WDPCP: variants seen among roughly 807,000 people sequenced by gnomAD.
WDPCP encodes the protein WD repeat-containing and planar cell polarity effector protein fritz homolog.
A neutral mutation model predicts 93.1 loss-of-function variants in WDPCP; 71 were observed. That is an observed-to-expected ratio of 0.76 (90% CI 0.63 to 0.93). WDPCP has a LOEUF of 0.93. WDPCP is among the 40% of genes least tolerant of loss of function. The pLI is 0.00. For synonymous variants in WDPCP, 315 were observed against 315.0 expected (o/e 1.00, Z 0.00); for missense variants, 844 against 887.4 (o/e 0.95, Z 0.62).
chr2:63,749,146 G>A (rs1036479819), intron 2 of WDPCP, among the ~76,000 whole-genome samples: 4 of 152,034 alleles, frequency 2.6e-5, no homozygotes, highest in African/African-American at 9.7e-5. Context: ...TACACTGACT[G>A]TTTAGAACTT....
At chr2:63,202,474 T>G (rs189032388) in intron 14 of WDPCP, among the ~76,000 whole-genome samples, 36 of 152,298 alleles carry the variant, frequency 2.4e-4, no homozygotes, top group African/African-American at 8.7e-4. Flanking sequence ...CTAAAAGATC[T>G]ACCTCATTGA....
intron 1 of WDPCP, among the ~76,000 whole-genome samples, chr2:63,822,940 T>C (rs1671045280): frequency 6.6e-6 from 1 of 151,220 alleles, no homozygotes; most frequent in Non-Finnish European, 1.5e-5. Flanking sequence ...TAACCTATCT[T>C]GGTGTCTGTA....
At chr2:63,137,135 C>T (rs919123329) in intron 17 of WDPCP, among the ~76,000 whole-genome samples, 1 of 152,222 alleles carries the variant, frequency 6.6e-6, no homozygotes, top group Non-Finnish European at 1.5e-5. Context: ...AATCACTGCA[C>T]TCTCTTCCAC....
chr2:63,540,626 G>A (rs774338752), intron 1 of WDPCP, among the ~76,000 whole-genome samples: 1 of 152,132 alleles, frequency 6.6e-6, no homozygotes, highest in African/African-American at 2.4e-5. Context: ...GTATGTAACT[G>A]CTTATGTTAA....
chr2:63,135,209 A>T (rs1338202979), intron 17 of WDPCP, among the ~76,000 whole-genome samples: 1 of 152,252 alleles, frequency 6.6e-6, no homozygotes, highest in Non-Finnish European at 1.5e-5. Context: ...TACTAAATTC[A>T]GGGCACGTGA....
chr2:63,493,650 A>C (rs1274405392), intron 1 of WDPCP, among the ~76,000 whole-genome samples: 1 of 151,860 alleles, frequency 6.6e-6, no homozygotes, highest in Non-Finnish European at 1.5e-5. Flanking sequence ...TTTTTAATCA[A>C]GTACTACCTC....
upstream of WDPCP, chr2:63,589,438 C>T (rs1257171892): frequency 1.3e-6 from 2 of 1,510,382 alleles, no homozygotes; most frequent in Non-Finnish European, 1.8e-6. Context: ...CCTCATTTGC[C>T]CACAGTGTTT....
chr2:63,751,678 T>A (rs1669885398), intron 2 of WDPCP: 1 of 497,474 alleles, frequency 2.0e-6, no homozygotes, highest in African/African-American at 1.9e-5. Context: ...TAAGCTTTGT[T>A]TCCTGGTAGT....
At chr2:63,213,005 C>A (rs928753412) in intron 14 of WDPCP, among the ~76,000 whole-genome samples, 1 of 152,164 alleles carries the variant, frequency 6.6e-6, no homozygotes, top group Non-Finnish European at 1.5e-5. Context: ...GAGACTTAGA[C>A]TCCCACACAA....
intron 17 of WDPCP, among the ~76,000 whole-genome samples, chr2:63,125,944 T>G (rs1429674885): frequency 1.3e-5 from 2 of 150,166 alleles, no homozygotes; most frequent in African/African-American, 2.5e-5. Context: ...AGCTTTTTTT[T>G]TTTTTTTTGA....
chr2:63,654,979 A>G (rs1710149813), intron 2 of WDPCP, among the ~76,000 whole-genome samples: 1 of 152,128 alleles, frequency 6.6e-6, no homozygotes, highest in Non-Finnish European at 1.5e-5. Context: ...CTCATCTCCC[A>G]CAGAATATTC....
At chr2:63,365,439 T>G (rs910540669) in intron 12 of WDPCP, among the ~76,000 whole-genome samples, 1 of 152,198 alleles carries the variant, frequency 6.6e-6, no homozygotes, top group Non-Finnish European at 1.5e-5. Flanking sequence ...CCTAGAAGTA[T>G]GCATGGTAGG....
chr2:63,724,852 G>A (rs995455899), intron 2 of WDPCP, among the ~76,000 whole-genome samples: 1 of 152,112 alleles, frequency 6.6e-6, no homozygotes, highest in Non-Finnish European at 1.5e-5. Flanking sequence ...AGCACATGTG[G>A]GCATGTGAAC....
chr2:63,626,302 C>G (rs1250423774), intron 3 of WDPCP, among the ~76,000 whole-genome samples: 2 of 152,112 alleles, frequency 1.3e-5, no homozygotes, highest in African/African-American at 2.4e-5. Flanking sequence ...ACCAAAATAC[C>G]AAAAGCAACG....
intron 12 of WDPCP, among the ~76,000 whole-genome samples, chr2:63,331,769 A>T (rs1034472492): frequency 1.3e-5 from 2 of 152,142 alleles, no homozygotes; most frequent in African/African-American, 4.8e-5. Context: ...CATATGTTTG[A>T]TATCAAACAG....
chr2:63,700,282 C>CAAAA lies in WDPCP; in HGVS notation n.309-49448_309-49445dup, dbSNP rs1196006011. The stretch of plus-strand genomic sequence containing the variant: ...TGGGTGACAGAGTGAGACCCTGTCT[C>CAAAA]AAAAAAAAAAAAAAAAAAAAACAAA... On this transcript the variant is annotated intron_variant and non_coding_transcript_variant, in intron 2 of 4. Transcript: ENST00000467687. Among the ~76,000 whole-genome samples, 15 of 41,544 alleles carry CAAAA rather than the reference C, an allele frequency of 3.6e-4. 1 individual carries two copies. Among genetic ancestry groups the CAAAA allele is most frequent in the Admixed American group, 6.5e-4 (2 of 3,084 alleles). 27.3% of individuals were successfully genotyped at this position (41,544 alleles called of 152,430 possible).
chr2:63,679,809 C>T (rs1432750285), intron 2 of WDPCP, among the ~76,000 whole-genome samples: 2 of 152,082 alleles, frequency 1.3e-5, no homozygotes, highest in African/African-American at 4.8e-5. Context: ...CACTTTGAAT[C>T]AATAGCCCTC....
At chr2:63,822,863 T>C (rs1402664450) in intron 1 of WDPCP, among the ~76,000 whole-genome samples, 2 of 150,844 alleles carry the variant, frequency 1.3e-5, no homozygotes, top group African/African-American at 4.9e-5. Context: ...AATATATATA[T>C]ATATTTGATA....
chr2:63,301,159 A>G (rs1175184098), intron 13 of WDPCP, among the ~76,000 whole-genome samples: 8 of 152,154 alleles, frequency 5.3e-5, no homozygotes, highest in Non-Finnish European at 1.2e-4. Flanking sequence ...CCTCTCAATT[A>G]TCTTCCCTTT....
Sources: gnomAD v4.1 joint callset for allele counts (sites outside exome capture counted in the v4.1 genomes callset) on GRCh38, gnomAD v4.1.1 for gene constraint, MANE v1.5 for transcripts, NCBI Gene and HGNC (gene_info 2026-07-23, HGNC 2026-07-21) for gene names.